Variants in DSCAML1 observed in about 807,000 individuals in gnomAD.
DSCAML1 encodes the protein DS cell adhesion molecule like 1, also known as cell adhesion molecule DSCAML1.
DSCAML1 carries 38 observed loss-of-function variants against 200.5 expected under a neutral mutation model. That is an observed-to-expected ratio of 0.19 (90% confidence interval 0.15 to 0.25). The LOEUF (loss-of-function observed/expected upper bound fraction) is 0.25, where lower values mean the gene tolerates loss of function less well. Ranked by LOEUF, DSCAML1 falls within the 10% of genes least tolerant of loss-of-function variation. The probability of loss-of-function intolerance (pLI) is 1.00; values close to 1 mark genes in which losing one functional copy is unlikely to be tolerated. For synonymous variants in DSCAML1, 1,215 were observed against 1,165.0 expected (o/e 1.04, Z -0.87); for missense variants, 2,223 against 2,858.8 (o/e 0.78, Z 5.07).
At chr11:117,771,229 T>C (rs2134037074) in intron 3 of DSCAML1, among the ~76,000 whole-genome samples, 1 of 152,310 alleles carries the variant, frequency 6.6e-6, no homozygotes, top group African/African-American at 2.4e-5. Context: ...ATGTAATTAA[T>C]AAATTGAATT....
intron 1 of DSCAML1, among the ~76,000 whole-genome samples, chr11:117,791,652 T>C (rs987434411): frequency 6.6e-5 from 10 of 152,218 alleles, no homozygotes; most frequent in African/African-American, 2.2e-4. Flanking sequence ...GAGTCCTACA[T>C]GCTATCCAGC....
At chr11:117,801,989 A>T (rs1354117889), upstream of DSCAML1, 1 of 152,248 alleles carries the variant, frequency 6.6e-6, no homozygotes, top group Non-Finnish European at 1.5e-5. Flanking sequence ...GCTGAAGCTC[A>T]TTGTCACATT....
intron 26 of DSCAML1, 151 bp downstream of exon 26, chr11:117,436,971 G>T: frequency 8.8e-7 from 1 of 1,134,916 alleles, no homozygotes; most frequent in Non-Finnish European, 1.2e-6. Context: ...CCCTTTGTCA[G>T]CCCCTTCACC....
chr11:117,596,651 G>A (rs2051366543), intron 3 of DSCAML1, among the ~76,000 whole-genome samples: 1 of 152,204 alleles, frequency 6.6e-6, no homozygotes. Flanking sequence ...TAGGGGAAAA[G>A]AAGATGAGGT....
At chr11:117,667,383 G>A (rs1247768963) in intron 3 of DSCAML1, among the ~76,000 whole-genome samples, 2 of 152,208 alleles carry the variant, frequency 1.3e-5, no homozygotes, top group African/African-American at 2.4e-5. Flanking sequence ...CTGCACTCCA[G>A]CCTGGGTGAC....
intron 3 of DSCAML1, among the ~76,000 whole-genome samples, chr11:117,604,322 A>C (rs1367530397): frequency 6.6e-6 from 1 of 151,930 alleles, no homozygotes; most frequent in Non-Finnish European, 1.5e-5. Context: ...GACCTTTGTC[A>C]CCGAGAAAGG....
intron 3 of DSCAML1, among the ~76,000 whole-genome samples, chr11:117,768,674 T>G (rs914037440): frequency 9.2e-5 from 14 of 152,224 alleles, no homozygotes; most frequent in African/African-American, 3.1e-4. Context: ...TTTCAAGGAT[T>G]CTATGTGCAA....
chr11:117,554,632 C>T (rs1224897301), intron 3 of DSCAML1, among the ~76,000 whole-genome samples: 1 of 152,220 alleles, frequency 6.6e-6, no homozygotes, highest in Non-Finnish European at 1.5e-5. Flanking sequence ...CTGCCTTGGC[C>T]TACCAAAGTG....
chr11:117,785,693 C>T (rs972186490), intron 1 of DSCAML1, among the ~76,000 whole-genome samples: 11 of 152,186 alleles, frequency 7.2e-5, no homozygotes, highest in African/African-American at 2.7e-4. Flanking sequence ...GGCATTTTGG[C>T]TGGACATCTA....
At chr11:117,443,153 C>T (rs899276602) in intron 21 of DSCAML1, among the ~76,000 whole-genome samples, 1 of 152,188 alleles carries the variant, frequency 6.6e-6, no homozygotes, top group East Asian at 1.9e-4. Flanking sequence ...GGAGGCCCAA[C>T]GGCAAGTAGA....
At position 117,810,805 on chromosome 11, in the gene DSCAML1, G is replaced by A. The variant is rs535564339; in HGVS notation, c.-250+6585C>T. Among the ~76,000 whole-genome samples the A allele has an allele frequency of 1.2e-3, 188 of 152,228 alleles. 2 individuals carry two copies. The highest frequency in any genetic ancestry group is 4.4e-3 in the African/African-American group (182 of 41,512). On this transcript the variant is annotated intron_variant, in intron 1 of 2. Transcript: ENST00000525836. ...ATGATCTGAGGTGCCTGACGTCCAC[G>A]CATTCTTTTACACATCAGTCCCTTC...
chr11:117,600,614 T>C (rs2051448128), intron 3 of DSCAML1, among the ~76,000 whole-genome samples: 1 of 152,102 alleles, frequency 6.6e-6, no homozygotes, highest in East Asian at 1.9e-4. Context: ...GAGGAGGTGG[T>C]CTGAGCCACC....
chr11:117,657,173 T>G (rs1300983332), intron 3 of DSCAML1, among the ~76,000 whole-genome samples: 1 of 152,054 alleles, frequency 6.6e-6, no homozygotes, highest in East Asian at 1.9e-4. Flanking sequence ...CCACATCCCA[T>G]CAGGTAACTT....
At chr11:117,439,970 T>G in intron 21 of DSCAML1, 34 bp from the exon 22 acceptor site, 1 of 1,554,924 alleles carries the variant, frequency 6.4e-7, no homozygotes. Context: ...CCACTCCACT[T>G]CTACCCCTGC....
chr11:117,552,579 C>G (rs896712058), intron 3 of DSCAML1, among the ~76,000 whole-genome samples: 1 of 152,096 alleles, frequency 6.6e-6, no homozygotes, highest in Admixed American at 6.5e-5. Context: ...CAGAGATTAA[C>G]GAAATCCTAC....
At chr11:117,680,068 C>T (rs780932317) in intron 3 of DSCAML1, among the ~76,000 whole-genome samples, 17 of 152,182 alleles carry the variant, frequency 1.1e-4, no homozygotes, top group East Asian at 3.9e-4. Flanking sequence ...GTTGCTTGTC[C>T]ATCAGTGAAG....
intron 14 of DSCAML1, among the ~76,000 whole-genome samples, chr11:117,476,600 C>T (rs1360086186): frequency 6.6e-6 from 1 of 152,206 alleles, no homozygotes; most frequent in Non-Finnish European, 1.5e-5. Context: ...CCTCAAAGAA[C>T]CCATCCTTGC....
At chr11:117,553,921 AATAG>A (rs539186565) in intron 3 of DSCAML1, among the ~76,000 whole-genome samples, 2 of 152,278 alleles carry the variant, frequency 1.3e-5, no homozygotes, top group Admixed American at 6.5e-5. Flanking sequence ...CTGACAGATG[AATAG>A]ATAAATAGAA....
chr11:117,471,239 T>A (rs2048679770), intron 15 of DSCAML1, among the ~76,000 whole-genome samples: 1 of 152,234 alleles, frequency 6.6e-6, no homozygotes, highest in South Asian at 2.1e-4. Flanking sequence ...TGGTGCGATC[T>A]TGGCTCACAG....
Sources: allele counts gnomAD v4.1 joint callset (sites outside exome capture counted in the v4.1 genomes callset), GRCh38; gene constraint gnomAD v4.1.1; transcripts MANE v1.5; gene names NCBI Gene and HGNC (gene_info 2026-07-23, HGNC 2026-07-21).